The following LTBP1 variants were observed in gnomAD, a reference collection of about 807,000 sequenced individuals.
LTBP1 encodes the protein latent-transforming growth factor beta-binding protein 1.
Under a neutral mutation model 207.6 loss-of-function variants are expected in LTBP1, and 129 were observed. The observed-to-expected ratio is 0.62, with a 90% CI of 0.54 to 0.72. LTBP1 has a LOEUF of 0.72. Ranked by LOEUF, LTBP1 falls within the 30% of genes least tolerant of loss-of-function variation. LTBP1 has a pLI of 0.00. For missense variants in LTBP1, 2,281 were observed against 2,217.2 expected (o/e 1.03, Z -0.58); for synonymous variants, 963 against 833.7 (o/e 1.16, Z -2.67).
Position 33,318,776 on chromosome 2 carries a change from G to A in LTBP1, c.3730+3507G>A, listed in dbSNP as rs925728157. 6.6e-5 allele frequency among the ~76,000 whole-genome samples: 10 copies of A among 152,054 alleles called. No homozygotes were observed. The East Asian group carries it at 9.7e-4, about 15-fold the overall frequency. ...GGAAACTTTTTCTTTCACTCAACTCGTTGTTTTATGGTCCATTTGATCATA... is the reference window on the plus strand; with the variant it reads ...GGAAACTTTTTCTTTCACTCAACTCATTGTTTTATGGTCCATTTGATCATA... On this transcript the variant is annotated intron_variant, in intron 24 of 33. Transcript: ENST00000404816.
chr2:33,241,053 C>T (rs958939484), intron 9 of LTBP1, among the ~76,000 whole-genome samples: 4 of 151,978 alleles, frequency 2.6e-5, no homozygotes, highest in African/African-American at 4.8e-5. Context: ...AGTGTATATA[C>T]GTTAAATATA....
At chr2:33,097,028 C>T (rs148920828) in intron 3 of LTBP1, among the ~76,000 whole-genome samples, 3 of 151,992 alleles carry the variant, frequency 2.0e-5, no homozygotes, top group Non-Finnish European at 4.4e-5. Context: ...ACTGATAAAC[C>T]CAATCCTAGT....
At chr2:33,064,242 ATATT>A (rs1437215514) in intron 3 of LTBP1, among the ~76,000 whole-genome samples, 2 of 152,236 alleles carry the variant, frequency 1.3e-5, no homozygotes, top group Admixed American at 6.5e-5. Flanking sequence ...CATTTAATTT[ATATT>A]TAGTGACCTT....
At chr2:33,101,896 G>A (rs898567819) in intron 3 of LTBP1, among the ~76,000 whole-genome samples, 2 of 152,168 alleles carry the variant, frequency 1.3e-5, no homozygotes, top group Non-Finnish European at 2.9e-5. Context: ...TGATTTCGGT[G>A]TACTGTGCTT....
At chr2:33,054,759 A>C (rs1250517694) in intron 3 of LTBP1, among the ~76,000 whole-genome samples, 6 of 152,148 alleles carry the variant, frequency 3.9e-5, no homozygotes, top group Admixed American at 6.5e-5. Flanking sequence ...CCTGGCCCTC[A>C]GTAGTTAAAT....
intron 2 of LTBP1, among the ~76,000 whole-genome samples, chr2:32,997,747 G>C (rs112129401): frequency 0.039 from 5,990 of 152,242 alleles, 192 homozygotes; most frequent in Non-Finnish European, 0.066. Context: ...GTGCAGACCA[G>C]CTTAGCTTTG....
intron 8 of LTBP1, 111 bp downstream of exon 8, chr2:33,217,765 A>C: frequency 1.3e-6 from 1 of 795,384 alleles, no homozygotes; most frequent in Admixed American, 2.2e-5. Flanking sequence ...CTCCTACTGA[A>C]TTCTAGAATG....
At chr2:33,295,475 T>G (rs775319887) in intron 20 of LTBP1, among the ~76,000 whole-genome samples, 2 of 151,944 alleles carry the variant, frequency 1.3e-5, no homozygotes, top group Non-Finnish European at 2.9e-5. Flanking sequence ...TGCAGTGAAC[T>G]GAGATCGTGC....
chr2:33,207,907 CA>C (rs1301531700), intron 7 of LTBP1, among the ~76,000 whole-genome samples: 1 of 152,114 alleles, frequency 6.6e-6, no homozygotes, highest in African/African-American at 2.4e-5. Context: ...GTCACTTTTC[CA>C]GAGTGGAGAT....
intron 31 of LTBP1, among the ~76,000 whole-genome samples, chr2:33,385,004 C>A (rs1210875975): frequency 6.6e-6 from 1 of 152,178 alleles, no homozygotes; most frequent in Non-Finnish European, 1.5e-5. Flanking sequence ...CTATTCTCTT[C>A]TGTTAACTTA....
chr2:33,005,092 C>T (rs1221998936), intron 2 of LTBP1, among the ~76,000 whole-genome samples: 1 of 152,054 alleles, frequency 6.6e-6, no homozygotes, highest in East Asian at 1.9e-4. Flanking sequence ...GCAGCAGGCT[C>T]AGCATGGTGG....
At chr2:33,233,285 G>C (rs1458910255) in intron 9 of LTBP1, among the ~76,000 whole-genome samples, 1 of 151,842 alleles carries the variant, frequency 6.6e-6, no homozygotes, top group Non-Finnish European at 1.5e-5. Context: ...TCTAATTTCT[G>C]CTTTACTATG....
chr2:33,374,590 G>A (rs1270648101), intron 31 of LTBP1, among the ~76,000 whole-genome samples: 1 of 152,124 alleles, frequency 6.6e-6, no homozygotes, highest in Non-Finnish European at 1.5e-5. Flanking sequence ...CTGAACTCTT[G>A]GTATCCATGG....
chr2:33,274,338 C>CTTTT (rs71912114), intron 16 of LTBP1, among the ~76,000 whole-genome samples: 1 of 146,896 alleles, frequency 6.8e-6, no homozygotes, highest in African/African-American at 2.5e-5. Context: ...TTTAATTTCT[C>CTTTT]TTTTTTTTTT....
chr2:33,361,395 A>C, intron 27 of LTBP1, 34 bp from the exon 28 acceptor site: 1 of 1,030,590 alleles, frequency 9.7e-7, no homozygotes. Flanking sequence ...AAGATGTTGA[A>C]TCTTTTTTTT....
At chr2:33,249,748 C>T (rs1007833363) in intron 10 of LTBP1, among the ~76,000 whole-genome samples, 13 of 151,972 alleles carry the variant, frequency 8.6e-5, no homozygotes, top group South Asian at 2.1e-4. Flanking sequence ...ATCTTTTTGC[C>T]GTAATTTTAG....
At chr2:33,110,817 G>T in intron 4 of LTBP1, 66 bp downstream of exon 4, 1 of 1,444,040 alleles carries the variant, frequency 6.9e-7, no homozygotes, top group Non-Finnish European at 9.4e-7. Flanking sequence ...ACTTTGTTCA[G>T]TGTAGACGGC....
At chr2:33,302,657 A>C (rs1291541086) in intron 22 of LTBP1, among the ~76,000 whole-genome samples, 1 of 152,194 alleles carries the variant, frequency 6.6e-6, no homozygotes, top group Non-Finnish European at 1.5e-5. Context: ...AGCGTTTTAA[A>C]GGCCTTAAAG....
chr2:33,170,096 T>A (rs1304244390), intron 5 of LTBP1, among the ~76,000 whole-genome samples: 5 of 152,234 alleles, frequency 3.3e-5, no homozygotes, highest in Non-Finnish European at 5.9e-5. Flanking sequence ...GGGTGATTTC[T>A]GCATTTCCAT....
Sources: gnomAD v4.1 joint callset for allele counts (sites outside exome capture counted in the v4.1 genomes callset) on GRCh38, gnomAD v4.1.1 for gene constraint, MANE v1.5 for transcripts, NCBI Gene and HGNC (gene_info 2026-07-23, HGNC 2026-07-21) for gene names.